Variants in SUMF1 observed in about 807,000 individuals in gnomAD.
The protein encoded by SUMF1 is sulfatase modifying factor 1.
SUMF1 carries 48 observed loss-of-function variants against 47.6 expected under a neutral mutation model. The observed-to-expected ratio is 1.01, with a 90% CI of 0.80 to 1.28. The LOEUF (loss-of-function observed/expected upper bound fraction) is 1.28, where lower values mean the gene tolerates loss of function less well. Among genes scored for constraint, SUMF1 ranks in the 50% most tolerant of loss-of-function variants. The pLI is 0.00. For synonymous variants in SUMF1, 230 were observed against 192.1 expected, an observed-to-expected ratio of 1.20 and a Z score of -1.63; for missense variants, 571 against 485.4, an observed-to-expected ratio of 1.18 and a Z score of -1.66.
At chr3:4,089,669 C>G (rs1171243730) in intron 8 of SUMF1, among the ~76,000 whole-genome samples, 1 of 152,066 alleles carries the variant, frequency 6.6e-6, no homozygotes, top group Non-Finnish European at 1.5e-5. Flanking sequence ...TACCAGAGAT[C>G]CTAAAGGCCT....
At chr3:4,253,322 G>A (rs1696851396) in intron 8 of SUMF1, among the ~76,000 whole-genome samples, 1 of 151,228 alleles carries the variant, frequency 6.6e-6, no homozygotes, top group Non-Finnish European at 1.5e-5. Flanking sequence ...GCAGAAGACA[G>A]GTGATTTCTG....
intron 9 of SUMF1, among the ~76,000 whole-genome samples, chr3:4,056,888 C>T (rs1055694742): frequency 2.0e-5 from 3 of 151,924 alleles, no homozygotes; most frequent in Non-Finnish European, 4.4e-5. Context: ...ACTACAGGTG[C>T]CTGCCACCAC....
intron 8 of SUMF1, among the ~76,000 whole-genome samples, chr3:4,281,160 G>GT (rs1455437042): frequency 6.6e-6 from 1 of 152,082 alleles, no homozygotes; most frequent in Non-Finnish European, 1.5e-5. Context: ...GAAGAGCATG[G>GT]TGAAGAGTAT....
chr3:4,410,856 A>C lies in SUMF1; in HGVS notation c.954+9T>G. The C allele has an allele frequency of 1.2e-6, 2 of 1,612,428 alleles. No individual in the cohort carries two copies. ...ATTCCAAGACACATGCTCTGTGAAT[A>C]ATACTCACTGGGTTAAGCGTTTCTT... On this transcript the variant is annotated intron_variant, in intron 7 of 8. Coordinates refer to ENST00000272902, the MANE Select transcript of SUMF1 (RefSeq NM_182760.4).
At chr3:4,421,107 TAAC>T (rs1701884547) in intron 3 of SUMF1, among the ~76,000 whole-genome samples, 1 of 152,136 alleles carries the variant, frequency 6.6e-6, no homozygotes, top group Admixed American at 6.5e-5. Flanking sequence ...TTAACCAAAA[TAAC>T]AACAGTCAGG....
intron 9 of SUMF1, among the ~76,000 whole-genome samples, chr3:4,041,984 C>T (rs1017575756): frequency 2.6e-5 from 4 of 152,032 alleles, no homozygotes; most frequent in Admixed American, 2.0e-4. Context: ...GATAATAGTC[C>T]CTCAAAATCA....
chr3:4,387,623 G>T (rs374608632), intron 7 of SUMF1, among the ~76,000 whole-genome samples: 4 of 151,700 alleles, frequency 2.6e-5, no homozygotes, highest in Non-Finnish European at 5.9e-5. Context: ...ACTTTTGCTT[G>T]CTTTGGGTTT....
chr3:4,117,394 A>G (rs638982), intron 8 of SUMF1, among the ~76,000 whole-genome samples: 113,828 of 151,932 alleles, frequency 0.75, 42,774 homozygotes, highest in Admixed American at 0.79. Context: ...TTCCTGGGAA[A>G]GAATTTAAAC....
At chr3:4,159,286 T>C (rs1178854658) in intron 8 of SUMF1, among the ~76,000 whole-genome samples, 1 of 147,346 alleles carries the variant, frequency 6.8e-6, no homozygotes, top group Non-Finnish European at 1.5e-5. Flanking sequence ...TTTTTTTTTA[T>C]TTTTTGTGCA....
At chr3:4,066,238 G>T (rs1019844969) in intron 9 of SUMF1, among the ~76,000 whole-genome samples, 7 of 151,558 alleles carry the variant, frequency 4.6e-5, no homozygotes, top group African/African-American at 1.7e-4. Flanking sequence ...AGGATGAAAT[G>T]ATATCAGTTC....
chr3:4,155,384 A>G (rs555639855), intron 8 of SUMF1, among the ~76,000 whole-genome samples: 2 of 151,720 alleles, frequency 1.3e-5, no homozygotes, highest in East Asian at 3.9e-4. Context: ...CTTCATATGA[A>G]TGGAAAATGC....
chr3:4,465,320 C>G (rs1263969554), intron 1 of SUMF1, among the ~76,000 whole-genome samples: 5 of 151,938 alleles, frequency 3.3e-5, no homozygotes, highest in African/African-American at 1.2e-4. Context: ...ATTAAAAATA[C>G]AAAAATTAGC....
In SUMF1 at chr3:4,310,467, T is replaced by C. The variant is rs1358464090; in HGVS notation, c.1014+65863A>G. 2.0e-5 allele frequency among the ~76,000 whole-genome samples: 3 copies of C among 152,246 alleles called. No homozygotes were observed. In the East Asian group the frequency reaches 5.8e-4, roughly 29 times the overall value. On this transcript the variant is annotated intron_variant and NMD_transcript_variant, in intron 8 of 12. Coordinates refer to the SUMF1 transcript ENST00000448413. ...ATGAAGACAAAATGACTCAAAGCAA[T>C]TATTGGTATCAGGATCAGTGATTAT...
chr3:4,195,574 A>G (rs1171450172), intron 8 of SUMF1, among the ~76,000 whole-genome samples: 1 of 152,174 alleles, frequency 6.6e-6, no homozygotes, highest in African/African-American at 2.4e-5. Context: ...ATTTTTTATT[A>G]GAATCATTCT....
At chr3:4,464,545 T>C (rs2079893475) in intron 1 of SUMF1, among the ~76,000 whole-genome samples, 1 of 152,134 alleles carries the variant, frequency 6.6e-6, no homozygotes, top group African/African-American at 2.4e-5. Context: ...TATATAGTAA[T>C]GTGCCAAATA....
At chr3:4,204,294 A>T (rs1695604289) in intron 8 of SUMF1, among the ~76,000 whole-genome samples, 1 of 152,078 alleles carries the variant, frequency 6.6e-6, no homozygotes, top group Non-Finnish European at 1.5e-5. Flanking sequence ...AGCACTTTAA[A>T]TATGTTAGCT....
chr3:4,130,391 C>A (rs916007883), intron 8 of SUMF1, among the ~76,000 whole-genome samples: 1 of 152,200 alleles, frequency 6.6e-6, no homozygotes, highest in Non-Finnish European at 1.5e-5. Flanking sequence ...CGTTTACTGT[C>A]CTATCTCAGG....
intron 8 of SUMF1, among the ~76,000 whole-genome samples, chr3:4,249,425 C>T (rs1262039886): frequency 6.6e-6 from 1 of 152,062 alleles, no homozygotes; most frequent in Non-Finnish European, 1.5e-5. Context: ...TTTGGTAATT[C>T]TCGCAATATT....
downstream of SUMF1, among the ~76,000 whole-genome samples, chr3:4,360,275 C>A: frequency 8.0e-6 from 1 of 124,424 alleles, no homozygotes. Flanking sequence ...CATTTGATAT[C>A]TACAAAATGA....
Sources: gnomAD v4.1 joint callset for allele counts (sites outside exome capture counted in the v4.1 genomes callset) on GRCh38, gnomAD v4.1.1 for gene constraint, MANE v1.5 for transcripts, NCBI Gene and HGNC (gene_info 2026-07-23, HGNC 2026-07-21) for gene names.